The following TANK variants were observed in gnomAD, a reference collection of about 807,000 sequenced individuals.
TANK encodes TRAF family member-associated NF-kappa-B activator.
Under a neutral mutation model 43.6 loss-of-function variants are expected in TANK, and 15 were observed. That is an observed-to-expected ratio of 0.34 (90% CI 0.23 to 0.53). The LOEUF is 0.53. TANK is among the 20% of genes least tolerant of loss of function. The pLI is 0.94. For missense variants in TANK, 417 were observed against 498.6 expected (o/e 0.84, Z 1.56); for synonymous variants, 162 against 178.2 (o/e 0.91, Z 0.73).
intron 2 of TANK, among the ~76,000 whole-genome samples, chr2:161,192,394 C>T (rs1362635565): frequency 6.6e-6 from 1 of 152,222 alleles, no homozygotes; most frequent in Admixed American, 6.5e-5. Flanking sequence ...AATCTCTCCT[C>T]TTACCACTAC....
At chr2:161,149,957 C>T (rs1348126348) in intron 1 of TANK, among the ~76,000 whole-genome samples, 5 of 152,066 alleles carry the variant, frequency 3.3e-5, no homozygotes, top group East Asian at 1.9e-4. Context: ...TTTTTTATCA[C>T]GTCTCTGTCT....
chr2:161,156,062 G>C, upstream of TANK: 1 of 982,938 alleles, frequency 1.0e-6, no homozygotes, highest in Non-Finnish European at 1.2e-6. Context: ...ACAAAGTATT[G>C]TATTGGTTCA....
Position 161,137,296 on chromosome 2 carries a change from A to G in TANK, c.-50+233A>G, listed in dbSNP as rs888577200. On this transcript the variant is annotated intron_variant, in intron 1 of 7. Coordinates refer to the TANK transcript ENST00000259075. ...CCTAGCACTTTGGGAGGCCAAGGTAAGAGGATCACTTGAGCCCAGGAGTTT... is the reference window on the plus strand; with the variant it reads ...CCTAGCACTTTGGGAGGCCAAGGTAGGAGGATCACTTGAGCCCAGGAGTTT... The G allele has an allele frequency of 1.8e-5, 17 of 960,424 alleles. No homozygotes were observed. In the African/African-American group the frequency reaches 2.7e-4, roughly 15 times the overall value. 59.5% of individuals were successfully genotyped at this position (960,424 alleles called of 1,614,324 possible).
At chr2:161,195,961 T>G (rs906141856) in intron 2 of TANK, among the ~76,000 whole-genome samples, 3 of 152,072 alleles carry the variant, frequency 2.0e-5, no homozygotes, top group Admixed American at 6.6e-5. Flanking sequence ...GGCGGGCACC[T>G]GTAATCCCAG....
intron 2 of TANK, 107 bp downstream of exon 2, chr2:161,179,868 A>G (rs1685342406): frequency 5.7e-6 from 8 of 1,400,310 alleles, no homozygotes; most frequent in South Asian, 3.4e-5. Flanking sequence ...CTGAAGAACT[A>G]TAATTACAGA....
At chr2:161,169,826 T>C (rs933902719) in intron 1 of TANK, among the ~76,000 whole-genome samples, 4 of 152,184 alleles carry the variant, frequency 2.6e-5, no homozygotes, top group Non-Finnish European at 4.4e-5. Context: ...ATGCAACTTA[T>C]TTACCCTTTT....
chr2:161,180,015 C>A, intron 2 of TANK: 2 of 1,131,684 alleles, frequency 1.8e-6, no homozygotes, highest in African/African-American at 1.6e-5. Flanking sequence ...TGTTGTCTTC[C>A]ATAAATAATT....
chr2:161,138,298 G>T (rs538031890), intron 1 of TANK, among the ~76,000 whole-genome samples: 7 of 152,230 alleles, frequency 4.6e-5, no homozygotes, highest in African/African-American at 1.7e-4. Flanking sequence ...TATAATAGCT[G>T]TCATATTCAA....
At chr2:161,216,590 CAAA>C (rs79872049) in intron 4 of TANK, 300 of 121,666 alleles carry the variant, frequency 2.5e-3, no homozygotes, top group South Asian at 0.013. Flanking sequence ...CTTTCTTGGC[CAAA>C]AAAAAAAAAA....
At chr2:161,156,782 G>A (rs1684238010), upstream of TANK, among the ~76,000 whole-genome samples, 1 of 152,222 alleles carries the variant, frequency 6.6e-6, no homozygotes, top group Non-Finnish European at 1.5e-5. Flanking sequence ...TTGGGCTGAG[G>A]TGAGATTCCT....
At position 161,235,692 on chromosome 2, in the gene TANK, C is replaced by A; in HGVS notation, c.*174C>A. The A allele has an allele frequency of 2.0e-6, 1 of 500,204 alleles. No individual in the cohort carries two copies. The highest frequency in any genetic ancestry group is 3.9e-5 in the Admixed American group (1 of 25,364). The allele number at this position is 500,204 out of a possible 1,614,324, so 31.0% of individuals were successfully genotyped here. On this transcript the variant is annotated 3_prime_UTR_variant, in exon 8 of 8. Coordinates refer to ENST00000392749, the MANE Select transcript of TANK (RefSeq NM_001199135.3). ...AACTCTTATTTTTTAAAAGATCATT[C>A]TGTTCTTTCAAGGAGAAATAAGCCT...
intron 4 of TANK, 158 bp from the exon 5 acceptor site, chr2:161,223,757 A>C: frequency 2.5e-6 from 1 of 406,648 alleles, no homozygotes; most frequent in Non-Finnish European, 4.5e-6. Context: ...TTAAAGAAAA[A>C]AATCAATTGT....
intron 2 of TANK, chr2:161,201,412 T>G (rs2105340482): frequency 2.8e-6 from 1 of 358,534 alleles, no homozygotes; most frequent in East Asian, 1.7e-4. Flanking sequence ...AAATATATGG[T>G]TTCTTCATTA....
At chr2:161,176,891 A>G (rs974788469) in intron 1 of TANK, among the ~76,000 whole-genome samples, 3 of 152,140 alleles carry the variant, frequency 2.0e-5, no homozygotes, top group African/African-American at 7.2e-5. Flanking sequence ...TAGATAGCTT[A>G]GCCGCTTAGC....
chr2:161,172,301 A>G (rs1256260157), intron 1 of TANK, among the ~76,000 whole-genome samples: 1 of 150,770 alleles, frequency 6.6e-6, no homozygotes, highest in African/African-American at 2.4e-5. Flanking sequence ...GTGGTACAAT[A>G]ATGCGTATTG....
upstream of TANK, chr2:161,160,336 C>G: frequency 4.3e-6 from 4 of 939,316 alleles, no homozygotes; most frequent in Middle Eastern, 7.5e-4. Flanking sequence ...CGGAAGGGCC[C>G]TGGCCTTGTT....
chr2:161,141,858 G>T (rs973093331), intron 1 of TANK, among the ~76,000 whole-genome samples: 5 of 152,136 alleles, frequency 3.3e-5, no homozygotes, highest in African/African-American at 1.2e-4. Context: ...TAATAGGATT[G>T]CTGGGTCAAA....
intron 6 of TANK, among the ~76,000 whole-genome samples, chr2:161,226,818 G>A (rs1043518649): frequency 1.3e-4 from 3 of 22,406 alleles, no homozygotes; most frequent in African/African-American, 2.2e-4. Flanking sequence ...TTTCAGTAGA[G>A]ATTGGGAAGG....
At chr2:161,161,190 A>G (rs1684417013) in intron 1 of TANK, 1 of 1,492,390 alleles carries the variant, frequency 6.7e-7, no homozygotes, top group Non-Finnish European at 8.9e-7. Context: ...AAGGGGGAGG[A>G]TAATCAAAGA....
Sources: allele counts gnomAD v4.1 joint callset (sites outside exome capture counted in the v4.1 genomes callset), GRCh38; gene constraint gnomAD v4.1.1; transcripts MANE v1.5; gene names NCBI Gene and HGNC (gene_info 2026-07-23, HGNC 2026-07-21).